Variants in ZRANB3 observed in about 807,000 individuals in gnomAD.
ZRANB3 encodes DNA annealing helicase and endonuclease ZRANB3.
In ZRANB3, 125 loss-of-function variants were observed where a neutral mutation model predicts 133.8. That is an observed-to-expected ratio of 0.93 (90% CI 0.81 to 1.08). The LOEUF (loss-of-function observed/expected upper bound fraction) is 1.08. ZRANB3 is among the 50% of genes least tolerant of loss of function. The pLI, the probability that ZRANB3 is intolerant of heterozygous loss-of-function variation, is 0.00. For missense variants in ZRANB3, 1,229 were observed against 1,275.5 expected (o/e 0.96, Z 0.56); for synonymous variants, 387 against 432.7 (o/e 0.89, Z 1.31).
At chr2:135,527,874 T>C (rs1203710311) in intron 1 of ZRANB3, among the ~76,000 whole-genome samples, 1 of 152,226 alleles carries the variant, frequency 6.6e-6, no homozygotes, top group Non-Finnish European at 1.5e-5. Context: ...AGATGACCTT[T>C]ACTTTCTTTT....
At chr2:135,465,060 A>G (rs113410950) in intron 2 of ZRANB3, among the ~76,000 whole-genome samples, 118 of 152,326 alleles carry the variant, frequency 7.7e-4, no homozygotes, top group African/African-American at 2.6e-3. Context: ...AACAAAATCG[A>G]AGAAGTTGAG....
Position 135,349,963 on chromosome 2 carries a change from G to A in ZRANB3, c.591+21C>T, listed in dbSNP as rs371147619. The A allele has an allele frequency of 3.1e-6, 5 of 1,603,540 alleles. No homozygotes were observed. The African/African-American group carries it at 4.0e-5, about 13-fold the overall frequency. On this transcript the variant is annotated intron_variant, in intron 5 of 20. Transcript: ENST00000264159. ...ACCCCCCTTCTCTTCTTTTAAGTTC[G>A]AAGTATAAGGATTGTAATACCTCTT...
intron 12 of ZRANB3, among the ~76,000 whole-genome samples, chr2:135,253,133 G>C (rs185033063): frequency 1.4e-4 from 22 of 152,216 alleles, no homozygotes; most frequent in Admixed American, 8.5e-4. Flanking sequence ...GTAAAATTCT[G>C]GTAAAAGCTA....
chr2:135,373,487 A>G (rs187162386), intron 3 of ZRANB3, among the ~76,000 whole-genome samples: 1 of 152,284 alleles, frequency 6.6e-6, no homozygotes, highest in African/African-American at 2.4e-5. Context: ...GAAATAGTAA[A>G]GCATAAAAAG....
intron 8 of ZRANB3, among the ~76,000 whole-genome samples, chr2:135,281,840 T>G (rs1558884015): frequency 6.6e-6 from 1 of 152,224 alleles, no homozygotes; most frequent in African/African-American, 2.4e-5. Context: ...AGGATTCCTT[T>G]ACCTCTCAGC....
At chr2:135,362,877 A>T (rs1253870459) in intron 3 of ZRANB3, among the ~76,000 whole-genome samples, 1 of 152,214 alleles carries the variant, frequency 6.6e-6, no homozygotes, top group African/African-American at 2.4e-5. Context: ...TCCAGTCTCT[A>T]GTAAAGTTTT....
intron 6 of ZRANB3, among the ~76,000 whole-genome samples, chr2:135,341,919 T>C (rs1311808075): frequency 6.7e-6 from 1 of 149,978 alleles, no homozygotes; most frequent in Non-Finnish European, 1.5e-5. Context: ...TTATCAAAGA[T>C]AATGGGTGCA....
intron 12 of ZRANB3, among the ~76,000 whole-genome samples, chr2:135,236,067 G>A (rs1263790121): frequency 6.6e-6 from 1 of 152,186 alleles, no homozygotes; most frequent in Non-Finnish European, 1.5e-5. Flanking sequence ...ATCTCCTTAA[G>A]CCGATAGGCA....
chr2:135,491,319 T>TAAAGA (rs1692362330), intron 2 of ZRANB3, among the ~76,000 whole-genome samples: 1 of 151,558 alleles, frequency 6.6e-6, no homozygotes, highest in Non-Finnish European at 1.5e-5. Context: ...TTAAAGTTGG[T>TAAAGA]AAAGAAATAA....
At chr2:135,482,750 G>A (rs1691886756) in intron 2 of ZRANB3, among the ~76,000 whole-genome samples, 1 of 152,118 alleles carries the variant, frequency 6.6e-6, no homozygotes, top group African/African-American at 2.4e-5. Flanking sequence ...ACTGGCAGTG[G>A]GTTTGTCATA....
chr2:135,359,147 C>T (rs1188895208), intron 3 of ZRANB3, among the ~76,000 whole-genome samples: 5 of 152,154 alleles, frequency 3.3e-5, no homozygotes, highest in African/African-American at 1.2e-4. Context: ...TGCATCTCTT[C>T]AGGGTGACCA....
At chr2:135,517,687 G>A (rs573037638) in intron 1 of ZRANB3, among the ~76,000 whole-genome samples, 5 of 152,322 alleles carry the variant, frequency 3.3e-5, no homozygotes, top group African/African-American at 7.2e-5. Flanking sequence ...CCTGTCTGAG[G>A]TGTCTGTTGA....
chr2:135,427,212 A>C, intron 2 of ZRANB3, among the ~76,000 whole-genome samples: 1 of 151,942 alleles, frequency 6.6e-6, no homozygotes, highest in East Asian at 1.9e-4. Flanking sequence ...AGTCCTCGCC[A>C]GAGAAATCAA....
chr2:135,505,821 G>A (rs555773512), intron 1 of ZRANB3, among the ~76,000 whole-genome samples: 4 of 152,166 alleles, frequency 2.6e-5, no homozygotes, highest in African/African-American at 4.8e-5. Context: ...TAAATATGAC[G>A]GTTTTTCTTT....
chr2:135,223,351 A>G (rs1160987311), intron 15 of ZRANB3, among the ~76,000 whole-genome samples: 1 of 150,204 alleles, frequency 6.7e-6, no homozygotes, highest in African/African-American at 2.4e-5. Flanking sequence ...TTTGAGACAG[A>G]GTCTCATTTT....
At chr2:135,229,326 T>A (rs567331254) in intron 13 of ZRANB3, among the ~76,000 whole-genome samples, 10 of 151,736 alleles carry the variant, frequency 6.6e-5, no homozygotes, top group African/African-American at 2.2e-4. Flanking sequence ...AACTGCAATA[T>A]CAGAATTTAT....
At chr2:135,412,500 C>T (rs534933828) in intron 2 of ZRANB3, among the ~76,000 whole-genome samples, 4 of 151,962 alleles carry the variant, frequency 2.6e-5, no homozygotes, top group South Asian at 4.2e-4. Context: ...AATATATTTT[C>T]GTTTTTAACT....
At chr2:135,226,520 G>A (rs1214645894) in intron 14 of ZRANB3, among the ~76,000 whole-genome samples, 1 of 152,206 alleles carries the variant, frequency 6.6e-6, no homozygotes, top group African/African-American at 2.4e-5. Flanking sequence ...TAGGTAAGGG[G>A]TAAATGCTGG....
intron 2 of ZRANB3, among the ~76,000 whole-genome samples, chr2:135,419,463 A>C (rs1688741194): frequency 6.6e-6 from 1 of 152,096 alleles, no homozygotes; most frequent in African/African-American, 2.4e-5. Flanking sequence ...CTCTGAGAGA[A>C]AATCATGTTT....
Sources: allele counts gnomAD v4.1 joint callset (sites outside exome capture counted in the v4.1 genomes callset), GRCh38; gene constraint gnomAD v4.1.1; transcripts MANE v1.5; gene names NCBI Gene and HGNC (gene_info 2026-07-23, HGNC 2026-07-21).